The following PLEKHH1 variants were observed in gnomAD, a reference collection of about 807,000 sequenced individuals.
The protein encoded by PLEKHH1 is pleckstrin homology domain-containing family H member 1.
Under a neutral mutation model 160.0 loss-of-function variants are expected in PLEKHH1, and 104 were observed. The observed-to-expected ratio is 0.65, with a 90% CI of 0.55 to 0.76. PLEKHH1 has a LOEUF of 0.76. Ranked by LOEUF, PLEKHH1 falls within the 30% of genes least tolerant of loss-of-function variation. PLEKHH1 has a pLI of 0.00. For missense variants in PLEKHH1, 1,427 were observed against 1,724.1 expected, an observed-to-expected ratio of 0.83 and a Z score of 3.05; for synonymous variants, 619 against 678.4, an observed-to-expected ratio of 0.91 and a Z score of 1.36.
At chr14:67,568,056 G>T (rs1242992504) in intron 7 of PLEKHH1, among the ~76,000 whole-genome samples, 1 of 152,150 alleles carries the variant, frequency 6.6e-6, no homozygotes, top group Non-Finnish European at 1.5e-5. Context: ...GAGTCCTGTT[G>T]GGCTAAATAG....
At chr14:67,583,192 A>G (rs1389954557) in intron 24 of PLEKHH1, among the ~76,000 whole-genome samples, 5 of 152,246 alleles carry the variant, frequency 3.3e-5, no homozygotes, top group Admixed American at 2.0e-4. Flanking sequence ...GTTGATCTTT[A>G]TAAATATCAA....
In PLEKHH1 at chr14:67,582,168, CAACAAGGAATT is replaced by C; in HGVS notation, c.3385_3395del (p.Asn1129GlyfsTer3). On this transcript the variant is annotated frameshift_variant, in exon 24 of 29. Coordinates refer to ENST00000329153, the MANE Select transcript of PLEKHH1 (RefSeq NM_020715.3). LOFTEE classifies it high-confidence loss of function. This position sits in a 1 kb window ranked among gnomAD's most constrained non-coding sequence, Gnocchi z 5.0. ...AGATAGTGGCAGGGAGGTTTCCTAT[CAACAAGGAATT>C]GGCTCTTGAGATGGCTGCCCTGATG... 1 of 1,613,456 alleles carries C rather than the reference CAACAAGGAATT, an allele frequency of 6.2e-7. No homozygotes were observed. Among genetic ancestry groups the C allele is most frequent in the South Asian group, 1.1e-5 (1 of 90,986 alleles).
Position 67,587,400 on chromosome 14 carries a change from A to AT in PLEKHH1, c.*166dup. The AT allele has an allele frequency of 1.3e-6, 1 of 751,044 alleles. No homozygotes were observed. The highest frequency in any genetic ancestry group is 2.7e-5 in the East Asian group (1 of 37,574). The allele number at this position is 751,044 out of a possible 1,614,324, so 46.5% of individuals were successfully genotyped here. ...GAAGCCTTTACTCTCTAGGTGCCTTATAATGTTTCAGGGCTCAACTTTTTA... is the reference window on the plus strand; with the variant it reads ...GAAGCCTTTACTCTCTAGGTGCCTTATTAATGTTTCAGGGCTCAACTTTTTA... On this transcript the variant is annotated 3_prime_UTR_variant, in exon 29 of 29. Coordinates refer to ENST00000329153, the MANE Select transcript of PLEKHH1 (RefSeq NM_020715.3).
chr14:67,585,464 C>A, intron 26 of PLEKHH1, 104 bp from the exon 27 acceptor site: 1 of 726,684 alleles, frequency 1.4e-6, no homozygotes, highest in Non-Finnish European at 2.4e-6. Flanking sequence ...GGCTGGAAAT[C>A]ACTGCTTAGC....
At chr14:67,567,697 G>A (rs2035173256) in intron 7 of PLEKHH1, among the ~76,000 whole-genome samples, 1 of 152,018 alleles carries the variant, frequency 6.6e-6, no homozygotes, top group Non-Finnish European at 1.5e-5. Context: ...CAGGGCTGCT[G>A]CTCCCCTCTG....
chr14:67,574,080 G>C lies in PLEKHH1; in HGVS notation c.1927-162G>C, dbSNP rs1483558485. ...TATGAGAGATGGAGTGAAGGAAGGA[G>C]AGACAGGGAGGAAAAGATGAGGAGG... On this transcript the variant is annotated intron_variant, in intron 13 of 28. Coordinates refer to ENST00000329153, the MANE Select transcript of PLEKHH1 (RefSeq NM_020715.3). This position sits in a 1 kb window ranked among gnomAD's most constrained non-coding sequence, Gnocchi z 4.2. Among the ~76,000 whole-genome samples the C allele has an allele frequency of 6.6e-6, 1 of 152,182 alleles. No homozygotes were observed. The highest frequency in any genetic ancestry group is 1.9e-4 in the East Asian group (1 of 5,200).
intron 1 of PLEKHH1, among the ~76,000 whole-genome samples, chr14:67,540,729 A>T (rs1227796684): frequency 6.6e-6 from 1 of 152,154 alleles, no homozygotes; most frequent in African/African-American, 2.4e-5. Flanking sequence ...GACCAAATTT[A>T]TACTTTTTGG....
intron 1 of PLEKHH1, among the ~76,000 whole-genome samples, chr14:67,540,990 A>AT (rs1285547556): frequency 2.0e-5 from 3 of 152,064 alleles, no homozygotes; most frequent in Non-Finnish European, 4.4e-5. Context: ...ATTTGTACAA[A>AT]TTTTTTTCCC....
intron 1 of PLEKHH1, 72 bp from the exon 2 acceptor site, chr14:67,541,762 C>T: frequency 9.5e-7 from 1 of 1,055,274 alleles, no homozygotes; most frequent in Non-Finnish European, 1.3e-6. Context: ...TGGTCCCCTC[C>T]CGTTCTTTCC....
chr14:67,535,736 C>T (rs1224505291), intron 1 of PLEKHH1, among the ~76,000 whole-genome samples: 4 of 152,102 alleles, frequency 2.6e-5, no homozygotes, highest in Non-Finnish European at 5.9e-5. Context: ...TATTGGTTTG[C>T]CTTTGTTTGC....
rs541053058 is a variant in PLEKHH1, at chr14:67,534,015, A to G, written c.-35+617A>G. Among the ~76,000 whole-genome samples, 16 of 152,066 alleles carry G rather than the reference A, an allele frequency of 1.1e-4. No individual in the cohort carries two copies. In the South Asian group the frequency reaches 1.5e-3, roughly 14 times the overall value. Reference sequence around the variant, plus strand: ...CCTTGTGGGATTTCTGCTTGCCAGGATATCTCCTCCATAGCTTTTACTATG... The same window carrying G: ...CCTTGTGGGATTTCTGCTTGCCAGGGTATCTCCTCCATAGCTTTTACTATG... On this transcript the variant is annotated intron_variant, in intron 1 of 28. Transcript: ENST00000329153.
rs1320449917 is a variant in PLEKHH1 at position 67,579,280 on chromosome 14, T to C, written c.2996T>C (p.Ile999Thr). 14 of 1,576,252 alleles carry C rather than the reference T, an allele frequency of 8.9e-6. No homozygotes were observed. The highest frequency in any genetic ancestry group is 1.1e-5 in the Non-Finnish European group (13 of 1,164,072). Residue 999 changes from isoleucine to threonine, a missense_variant, in exon 21 of 29, where the codon ATC becomes ACC. By Grantham distance (89) the Ile-to-Thr change is moderately conservative. Transcript: ENST00000329153. The part of the protein sequence containing the change: ...NPFHHSLPFS[I>T]PVHFTNGTYH... The stretch of plus-strand genomic sequence containing the variant: ...TTCCACCACTCCTTGCCCTTCAGCA[T>C]CCCCGTGCACTTTACCAACGGGACT...
chr14:67,541,764 G>A (rs896532640), intron 1 of PLEKHH1, 70 bp from the exon 2 acceptor site: 13 of 1,104,114 alleles, frequency 1.2e-5, no homozygotes, highest in African/African-American at 8.0e-5. Context: ...GTCCCCTCCC[G>A]TTCTTTCCCC....
intron 21 of PLEKHH1, chr14:67,579,512 G>A: frequency 1.5e-6 from 1 of 649,042 alleles, no homozygotes; most frequent in Non-Finnish European, 2.6e-6. Flanking sequence ...GGTAAAGGAG[G>A]GACCCAGGTA....
At chr14:67,577,276 G>C (rs1262893093) in intron 17 of PLEKHH1, 26 bp from the exon 18 acceptor site, 2 of 1,470,490 alleles carry the variant, frequency 1.4e-6, no homozygotes, top group Admixed American at 3.9e-5. Context: ...AACTGCCCTT[G>C]CTCTCTGGTT....
intron 7 of PLEKHH1, among the ~76,000 whole-genome samples, chr14:67,566,393 G>A (rs1442519525): frequency 1.3e-5 from 2 of 152,192 alleles, no homozygotes; most frequent in Non-Finnish European, 2.9e-5. Flanking sequence ...CTACCAGAGA[G>A]AAGCGTTGCT....
At chr14:67,581,719 A>C (rs117900966) in intron 23 of PLEKHH1, 215 of 215,822 alleles carry the variant, frequency 1.0e-3, no homozygotes, top group Non-Finnish European at 1.8e-3. Context: ...CCATCCCTCC[A>C]TCTCAGTATG....
At position 67,562,487 on chromosome 14, in the gene PLEKHH1, C is replaced by G. The variant is rs377474422; in HGVS notation, c.856C>G (p.Leu286Val). The stretch of plus-strand genomic sequence containing the variant: ...TAGTTCAGCTTCCTGGGGTGAGGGT[C>G]TGGTTACTGCTCAGAGAGGGATGCT... ...RCSSASWGEG[L>V]VTAQRGMLPG... is the part of the protein sequence containing the mutation. Residue 286 changes from leucine to valine, a missense_variant, in exon 7 of 29, where the codon CTG (leucine) becomes GTG (valine). Physicochemically the swap from Leu to Val is conservative, Grantham distance 32. Around this residue, in one of 6 missense-constraint regions of PLEKHH1, gnomAD observed 831 missense variants for 929.2 expected, o/e 0.89. Coordinates refer to ENST00000329153, the MANE Select transcript of PLEKHH1 (RefSeq NM_020715.3). 6.2e-7 allele frequency: 1 copy of G among 1,613,300 alleles called. No homozygotes were observed. Among genetic ancestry groups the G allele is most frequent in the South Asian group, 1.1e-5 (1 of 91,060 alleles).
chr14:67,551,605 G>A (rs111854476), intron 2 of PLEKHH1, among the ~76,000 whole-genome samples: 2 of 152,110 alleles, frequency 1.3e-5, no homozygotes, highest in African/African-American at 2.4e-5. Context: ...CAAGGCAGCG[G>A]TAATAATGTT....
Sources: allele counts gnomAD v4.1 joint callset (sites outside exome capture counted in the v4.1 genomes callset), GRCh38; gene constraint gnomAD v4.1.1; regional missense constraint gnomAD v4.1.1; non-coding constraint Gnocchi (gnomAD v3.1); transcripts MANE v1.5; gene names NCBI Gene and HGNC (gene_info 2026-07-23, HGNC 2026-07-21).